The following HMCN1 variants were observed in gnomAD, a reference collection of about 807,000 sequenced individuals.
HMCN1 encodes the protein hemicentin 1, also known as hemicentin-1.
In HMCN1, 321 loss-of-function variants were observed where a neutral mutation model predicts 625.9. The ratio of observed to expected loss-of-function variants is 0.51; its 90% CI spans 0.47 to 0.56. HMCN1 has a LOEUF of 0.56. HMCN1 is among the 20% of genes least tolerant of loss of function. The pLI is 0.00. For missense variants in HMCN1, 6,588 were observed against 6,887.3 expected (o/e 0.96, Z 1.54); for synonymous variants, 2,425 against 2,417.6 (o/e 1.00, Z -0.09).
chr1:186,165,675 C>A (rs1571449817), intron 98 of HMCN1, among the ~76,000 whole-genome samples: 1 of 152,210 alleles, frequency 6.6e-6, no homozygotes, highest in East Asian at 1.9e-4. Flanking sequence ...GAGGAGCTTA[C>A]ATTTACATAC....
intron 100 of HMCN1, among the ~76,000 whole-genome samples, chr1:186,169,415 G>A (rs986333487): frequency 1.3e-5 from 2 of 152,132 alleles, no homozygotes; most frequent in Non-Finnish European, 2.9e-5. Context: ...CAAAGCTGGA[G>A]GCATCACACT....
At chr1:186,103,723 T>C (rs1441154728) in intron 69 of HMCN1, 55 bp downstream of exon 69, 53 of 1,421,608 alleles carry the variant, frequency 3.7e-5, no homozygotes, top group Non-Finnish European at 1.5e-5. Flanking sequence ...TCTCACTTGC[T>C]AATATATGAG....
intron 1 of HMCN1, among the ~76,000 whole-genome samples, chr1:185,744,002 T>C (rs1426772473): frequency 6.9e-6 from 1 of 144,168 alleles, no homozygotes; most frequent in East Asian, 2.0e-4. Context: ...TTTTTTTTTT[T>C]TTTTGAGACG....
At chr1:186,143,038 C>G (rs2102550790) in intron 89 of HMCN1, among the ~76,000 whole-genome samples, 1 of 152,276 alleles carries the variant, frequency 6.6e-6, no homozygotes, top group South Asian at 2.1e-4. Flanking sequence ...TATTTAAAGC[C>G]TTTCTTCTTT....
chr1:186,074,716 T>A, intron 52 of HMCN1, 25 bp from the exon 53 acceptor site: 2 of 1,609,640 alleles, frequency 1.2e-6, no homozygotes, highest in Non-Finnish European at 1.7e-6. Flanking sequence ...CACTTAATGC[T>A]AACATTGTTA....
chr1:185,810,221 A>G (rs990869747), intron 1 of HMCN1, among the ~76,000 whole-genome samples: 7 of 152,070 alleles, frequency 4.6e-5, no homozygotes, highest in Non-Finnish European at 1.0e-4. Context: ...CATTTTTTCC[A>G]TTGATCAGTG....
At chr1:186,086,795 TGATAGATAGATAGATAGATGATAGATA>T (rs1207221651) in intron 58 of HMCN1, among the ~76,000 whole-genome samples, 405 of 121,454 alleles carry the variant, frequency 3.3e-3, no homozygotes, top group African/African-American at 0.011. Context: ...GATAGATAGA[TGATAGATAGATAGATAGATGATAGATA>T]GATAGATAGA....
At chr1:186,126,677 C>T (rs1661662288) in intron 82 of HMCN1, among the ~76,000 whole-genome samples, 1 of 152,018 alleles carries the variant, frequency 6.6e-6, no homozygotes, top group Non-Finnish European at 1.5e-5. Context: ...GAAACATGTC[C>T]AGTGTATTTG....
intron 1 of HMCN1, among the ~76,000 whole-genome samples, chr1:185,746,791 G>C (rs1654436149): frequency 6.6e-6 from 1 of 151,824 alleles, no homozygotes; most frequent in Non-Finnish European, 1.5e-5. Flanking sequence ...ATTTTTAGTA[G>C]AGACAGGGTT....
intron 1 of HMCN1, among the ~76,000 whole-genome samples, chr1:185,774,686 C>T (rs768992503): frequency 5.7e-4 from 86 of 151,954 alleles, no homozygotes; most frequent in Non-Finnish European, 9.0e-4. Context: ...TTTGTTAATT[C>T]GAGCTTGGAG....
At chr1:185,967,911 A>C (rs185927569) in intron 14 of HMCN1, among the ~76,000 whole-genome samples, 64 of 152,336 alleles carry the variant, frequency 4.2e-4, no homozygotes, top group African/African-American at 1.5e-3. Context: ...TCAGACCATC[A>C]GAGAAAAGGA....
At chr1:185,863,834 A>C (rs772819973) in intron 2 of HMCN1, among the ~76,000 whole-genome samples, 4 of 152,222 alleles carry the variant, frequency 2.6e-5, no homozygotes, top group African/African-American at 7.2e-5. Flanking sequence ...AATGCATTTT[A>C]TGTCAGATAG....
chr1:185,859,128 TTGTGTGTGTGTGTGTG>T (rs59835697), intron 2 of HMCN1, among the ~76,000 whole-genome samples: 2 of 138,290 alleles, frequency 1.4e-5, no homozygotes, highest in Admixed American at 1.5e-4. Flanking sequence ...TTTATAAACT[TTGTGTGTGTGTGTGTG>T]TGTGTGTGTG....
intron 11 of HMCN1, among the ~76,000 whole-genome samples, chr1:185,944,330 G>C (rs1668228441): frequency 6.6e-6 from 1 of 152,148 alleles, no homozygotes; most frequent in Admixed American, 6.5e-5. Flanking sequence ...GAGGGTAGGA[G>C]AGAGGCTAGG....
intron 10 of HMCN1, among the ~76,000 whole-genome samples, chr1:185,931,101 A>G (rs1667524286): frequency 6.6e-6 from 1 of 152,150 alleles, no homozygotes; most frequent in Non-Finnish European, 1.5e-5. Flanking sequence ...TTGATAGCTA[A>G]AGAAACAGAA....
intron 4 of HMCN1, among the ~76,000 whole-genome samples, chr1:185,896,421 G>A (rs59429085): frequency 6.9e-6 from 1 of 144,810 alleles, no homozygotes; most frequent in Non-Finnish European, 1.6e-5. Flanking sequence ...AAACTCACGT[G>A]TACACCCATA....
Position 186,087,280 on chromosome 1 carries a change from C to A in HMCN1, c.9110C>A (p.Ala3037Asp), listed in dbSNP as rs1443531784. 1 of 1,613,224 alleles carries A rather than the reference C, an allele frequency of 6.2e-7. No homozygotes were observed. Among genetic ancestry groups the A allele is most frequent in the Non-Finnish European group, 8.5e-7 (1 of 1,179,440 alleles). Residue 3037 changes from alanine (A) to aspartate (D), a missense_variant, in exon 59 of 107, where the codon GCT becomes GAT. By Grantham distance (126) the Ala-to-Asp change is moderately radical (BLOSUM62 -2). Around this residue, in one of 3 missense-constraint regions of HMCN1, gnomAD observed 4,628 missense variants for 4,853.1 expected, o/e 0.95. Coordinates refer to ENST00000271588, the MANE Select transcript of HMCN1 (RefSeq NM_031935.3). ...VSDGGEYTCIAINQAGESKKK... is the reference protein window; with the variant it reads ...VSDGGEYTCIDINQAGESKKK... Reference sequence around the variant, plus strand: ...GATGGTGGTGAATACACTTGTATAGCTATCAATCAAGCTGGCGAAAGCAAG... The same window carrying A: ...GATGGTGGTGAATACACTTGTATAGATATCAATCAAGCTGGCGAAAGCAAG...
chr1:185,853,064 A>G (rs1398704710), intron 2 of HMCN1, among the ~76,000 whole-genome samples: 1 of 152,112 alleles, frequency 6.6e-6, no homozygotes, highest in Non-Finnish European at 1.5e-5. Context: ...TTCCTTCTAA[A>G]TATCTGTTTA....
chr1:185,893,759 A>G (rs1558046793), intron 4 of HMCN1, among the ~76,000 whole-genome samples: 1 of 152,156 alleles, frequency 6.6e-6, no homozygotes, highest in Non-Finnish European at 1.5e-5. Flanking sequence ...AATTATTGTT[A>G]TTTTTCTTTT....
Sources: allele counts gnomAD v4.1 joint callset (sites outside exome capture counted in the v4.1 genomes callset), GRCh38; gene constraint gnomAD v4.1.1; regional missense constraint gnomAD v4.1.1; transcripts MANE v1.5; gene names NCBI Gene and HGNC (gene_info 2026-07-23, HGNC 2026-07-21).